Variants in DPP10 observed in about 807,000 individuals in gnomAD.
The protein encoded by DPP10 is dipeptidyl peptidase like 10.
Under a neutral mutation model 120.9 loss-of-function variants are expected in DPP10, and 33 were observed. The ratio of observed to expected loss-of-function variants is 0.27; its 90% CI spans 0.21 to 0.37. The LOEUF (loss-of-function observed/expected upper bound fraction) is 0.37, where lower values mean the gene tolerates loss of function less well. Ranked by LOEUF, DPP10 falls within the 10% of genes least tolerant of loss-of-function variation. The pLI, the probability that DPP10 is intolerant of heterozygous loss-of-function variation, is 1.00. For synonymous variants in DPP10, 337 were observed against 326.1 expected (o/e 1.03, Z -0.36); for missense variants, 816 against 942.8 (o/e 0.87, Z 1.76).
intron 1 of DPP10, among the ~76,000 whole-genome samples, chr2:115,101,286 A>C (rs1202239653): frequency 6.6e-6 from 1 of 152,102 alleles, no homozygotes; most frequent in South Asian, 2.1e-4. Context: ...GACTCTCAGA[A>C]ATTCATGATG....
intron 1 of DPP10, among the ~76,000 whole-genome samples, chr2:115,289,357 A>T (rs1056134741): frequency 3.3e-5 from 5 of 152,040 alleles, no homozygotes; most frequent in African/African-American, 1.2e-4. Context: ...GGAAGAATCA[A>T]TATTGTGAAA....
At chr2:115,423,985 A>C (rs1204950824) in intron 3 of DPP10, among the ~76,000 whole-genome samples, 1 of 152,172 alleles carries the variant, frequency 6.6e-6, no homozygotes, top group Non-Finnish European at 1.5e-5. Context: ...CTTTCCAGGG[A>C]AGATTGTCTT....
intron 4 of DPP10, among the ~76,000 whole-genome samples, chr2:115,503,819 G>T (rs2148807418): frequency 6.6e-6 from 1 of 152,182 alleles, no homozygotes; most frequent in African/African-American, 2.4e-5. Flanking sequence ...AGACATTTTT[G>T]ATTGTCCTGA....
At chr2:114,529,997 G>T (rs919128546) in intron 1 of DPP10, among the ~76,000 whole-genome samples, 5 of 152,108 alleles carry the variant, frequency 3.3e-5, no homozygotes, top group African/African-American at 1.2e-4. Context: ...CTCCATCTAT[G>T]TCCCTGCAAA....
At chr2:114,793,525 A>G (rs1683432546) in intron 1 of DPP10, among the ~76,000 whole-genome samples, 1 of 152,230 alleles carries the variant, frequency 6.6e-6, no homozygotes. Context: ...AAAAACAGAT[A>G]TTAATCAATT....
At chr2:114,634,478 A>C (rs1414468710) in intron 1 of DPP10, among the ~76,000 whole-genome samples, 1 of 151,798 alleles carries the variant, frequency 6.6e-6, no homozygotes, top group Non-Finnish European at 1.5e-5. Flanking sequence ...AGGAGATAGG[A>C]TTTAACCCAG....
chr2:115,316,768 T>A (rs1335893836), intron 2 of DPP10, among the ~76,000 whole-genome samples: 1 of 152,154 alleles, frequency 6.6e-6, no homozygotes, highest in Non-Finnish European at 1.5e-5. Context: ...TGGCCTCTAA[T>A]GTATGATTAG....
chr2:115,193,311 T>G, intron 1 of DPP10, among the ~76,000 whole-genome samples: 1 of 152,200 alleles, frequency 6.6e-6, no homozygotes, highest in East Asian at 1.9e-4. Flanking sequence ...ACTCTCCTTT[T>G]TTTAATGTCA....
chr2:115,355,388 G>T (rs2064308546), intron 3 of DPP10, among the ~76,000 whole-genome samples: 1 of 152,056 alleles, frequency 6.6e-6, no homozygotes, highest in Non-Finnish European at 1.5e-5. Context: ...CTTAGCCTTT[G>T]CCCATTTTTG....
At chr2:115,743,382 T>C (rs79986639) in intron 9 of DPP10, among the ~76,000 whole-genome samples, 3,810 of 152,182 alleles carry the variant, frequency 0.025, 163 homozygotes, top group African/African-American at 0.085. Flanking sequence ...GATAAGCTTA[T>C]AGCGCTGCTG....
chr2:114,641,332 C>T (rs1187294409), intron 1 of DPP10, among the ~76,000 whole-genome samples: 2 of 152,000 alleles, frequency 1.3e-5, no homozygotes, highest in East Asian at 3.9e-4. Flanking sequence ...GCATTGCTTT[C>T]CATATTCGTG....
chr2:114,644,084 G>A (rs1455441184), intron 1 of DPP10, among the ~76,000 whole-genome samples: 41 of 148,508 alleles, frequency 2.8e-4, no homozygotes, highest in African/African-American at 8.3e-4. Context: ...ACAGGTGCCC[G>A]CCACCATGCC....
chr2:114,631,655 T>C lies in DPP10; in HGVS notation c.60+188817T>C, dbSNP rs560479075. On this transcript the variant is annotated intron_variant, in intron 1 of 25. Transcript: ENST00000410059. ...AGACTCTCTCTCCTTTATTTGTATT[T>C]ATCATTTAAACTAAATCATACATAT... Among the ~76,000 whole-genome samples the C allele has an allele frequency of 1.1e-4, 16 of 152,310 alleles. 1 individual carries two copies. The highest frequency in any genetic ancestry group is 3.6e-4 in the African/African-American group (15 of 41,574).
chr2:114,744,090 G>A (rs1166845914), intron 1 of DPP10, among the ~76,000 whole-genome samples: 1 of 151,994 alleles, frequency 6.6e-6, no homozygotes, highest in Non-Finnish European at 1.5e-5. Context: ...TTACATGGAG[G>A]GATTGGCACA....
intron 1 of DPP10, among the ~76,000 whole-genome samples, chr2:115,052,299 A>G (rs1323622879): frequency 1.3e-5 from 2 of 152,180 alleles, no homozygotes; most frequent in South Asian, 4.1e-4. Flanking sequence ...CTCCAAAAGC[A>G]CAAGCAGCAA....
intron 13 of DPP10, among the ~76,000 whole-genome samples, chr2:115,770,787 A>T (rs571440504): frequency 2.0e-5 from 3 of 152,286 alleles, no homozygotes; most frequent in African/African-American, 7.2e-5. Flanking sequence ...AAAGGAGTAT[A>T]TAAAAATCAC....
intron 1 of DPP10, among the ~76,000 whole-genome samples, chr2:114,787,017 G>A (rs538774006): frequency 6.6e-6 from 1 of 152,248 alleles, no homozygotes; most frequent in African/African-American, 2.4e-5. Flanking sequence ...TCTCTCTCAT[G>A]GGGTTCACAT....
At chr2:114,982,240 ACTTTT>A (rs1227132269) in intron 1 of DPP10, among the ~76,000 whole-genome samples, 2 of 152,222 alleles carry the variant, frequency 1.3e-5, no homozygotes, top group Non-Finnish European at 2.9e-5. Context: ...TAAACTATTA[ACTTTT>A]CTTTAAGGAT....
At chr2:115,654,293 A>G (rs1399368693) in intron 5 of DPP10, among the ~76,000 whole-genome samples, 1 of 151,898 alleles carries the variant, frequency 6.6e-6, no homozygotes, top group South Asian at 2.1e-4. Context: ...AATCAAAGCG[A>G]ATTGCCTTTG....
Sources: gnomAD v4.1 joint callset for allele counts (sites outside exome capture counted in the v4.1 genomes callset) on GRCh38, gnomAD v4.1.1 for gene constraint, MANE v1.5 for transcripts, NCBI Gene and HGNC (gene_info 2026-07-23, HGNC 2026-07-21) for gene names.